CYP7B1: variants seen among roughly 807,000 people sequenced by gnomAD.
The protein encoded by CYP7B1 is cytochrome P450 family 7 subfamily B member 1, also known as cytochrome P450 7B1.
Under a neutral mutation model 42.7 loss-of-function variants are expected in CYP7B1, and 29 were observed. The ratio of observed to expected loss-of-function variants is 0.68; its 90% CI spans 0.51 to 0.93. The LOEUF (loss-of-function observed/expected upper bound fraction) is 0.93. Ranked by LOEUF, CYP7B1 falls within the 40% of genes least tolerant of loss-of-function variation. CYP7B1 has a pLI of 0.00. For missense variants in CYP7B1, 655 were observed against 600.5 expected, an observed-to-expected ratio of 1.09 and a Z score of -0.95; for synonymous variants, 235 against 218.2, an observed-to-expected ratio of 1.08 and a Z score of -0.68.
chr8:64,721,778 TTA>T (rs1455543920), intron 1 of CYP7B1, among the ~76,000 whole-genome samples: 1 of 152,132 alleles, frequency 6.6e-6, no homozygotes, highest in Non-Finnish European at 1.5e-5. Flanking sequence ...CACTATATCT[TTA>T]TGATAGATAG....
intron 1 of CYP7B1, among the ~76,000 whole-genome samples, chr8:64,715,447 C>T (rs768579773): frequency 1.3e-5 from 2 of 152,172 alleles, no homozygotes; most frequent in African/African-American, 2.4e-5. Flanking sequence ...CTTGGCTCCT[C>T]ATTTCCTCAC....
chr8:64,624,033 A>G (rs1019621787), intron 2 of CYP7B1, among the ~76,000 whole-genome samples: 1 of 152,146 alleles, frequency 6.6e-6, no homozygotes, highest in African/African-American at 2.4e-5. Flanking sequence ...TGAACTACTA[A>G]ATTTTCTGTA....
At chr8:64,757,154 G>A (rs964439859) in intron 1 of CYP7B1, among the ~76,000 whole-genome samples, 4 of 152,180 alleles carry the variant, frequency 2.6e-5, no homozygotes, top group African/African-American at 4.8e-5. Context: ...GAAAGAATAT[G>A]GGCTTAGGAA....
downstream of CYP7B1, among the ~76,000 whole-genome samples, chr8:64,590,279 C>G (rs936182228): frequency 2.6e-5 from 4 of 152,198 alleles, no homozygotes; most frequent in African/African-American, 9.7e-5. Flanking sequence ...ACACCAGTGT[C>G]TCTGAGAAAA....
intron 4 of CYP7B1, among the ~76,000 whole-genome samples, chr8:64,610,501 CT>C (rs1805348072): frequency 6.6e-6 from 1 of 152,082 alleles, no homozygotes; most frequent in African/African-American, 2.4e-5. Context: ...TTTGAACGAG[CT>C]TTTTCAAAAT....
chr8:64,792,119 A>T (rs1306453844), intron 1 of CYP7B1, among the ~76,000 whole-genome samples: 1 of 152,208 alleles, frequency 6.6e-6, no homozygotes, highest in Non-Finnish European at 1.5e-5. Flanking sequence ...AAGTTGCAGA[A>T]CTCATAGCTC....
intron 1 of CYP7B1, among the ~76,000 whole-genome samples, chr8:64,728,546 G>A (rs996604762): frequency 6.6e-6 from 1 of 152,104 alleles, no homozygotes; most frequent in Non-Finnish European, 1.5e-5. Flanking sequence ...TCTCCTTCCG[G>A]ATGTATTCAA....
chr8:64,624,634 C>T, intron 1 of CYP7B1, 95 bp from the exon 2 acceptor site: 1 of 1,405,742 alleles, frequency 7.1e-7, no homozygotes, highest in Non-Finnish European at 9.9e-7. Context: ...TAGAAGGTGA[C>T]TGCATGGATT....
At chr8:64,774,907 A>G (rs1352017666) in intron 1 of CYP7B1, among the ~76,000 whole-genome samples, 2 of 152,028 alleles carry the variant, frequency 1.3e-5, no homozygotes, top group Non-Finnish European at 2.9e-5. Flanking sequence ...GTATTCAAAC[A>G]CCTCCTTAAC....
intron 1 of CYP7B1, among the ~76,000 whole-genome samples, chr8:64,655,053 A>C (rs2129631282): frequency 2.0e-5 from 3 of 152,326 alleles, no homozygotes; most frequent in Middle Eastern, 6.8e-3. Flanking sequence ...TGTAAAACCC[A>C]AAACTATAAA....
At position 64,772,216 on chromosome 8, in the gene CYP7B1, T is replaced by C. The variant is rs138625610; in HGVS notation, c.122+26250A>G. 3.5e-4 allele frequency among the ~76,000 whole-genome samples: 54 copies of C among 152,328 alleles called. 1 individual carries two copies. Among genetic ancestry groups the C allele is most frequent in the African/African-American group, 1.2e-3 (50 of 41,586 alleles). ...CTGCCTAAACCCAACCCTCCTCTCA[T>C]ATGCAAGATCCCATCTCTGATGGCT... is the stretch of plus-strand genomic sequence containing the variant. On this transcript the variant is annotated intron_variant, in intron 1 of 5. Transcript: ENST00000310193.
chr8:64,741,341 G>T (rs1183837722), intron 1 of CYP7B1, among the ~76,000 whole-genome samples: 2 of 151,014 alleles, frequency 1.3e-5, no homozygotes, highest in Admixed American at 1.3e-4. Context: ...TTTTTTTTGA[G>T]ACAGTTTTGC....
chr8:64,757,623 C>T (rs1447308382), intron 1 of CYP7B1, among the ~76,000 whole-genome samples: 1 of 152,202 alleles, frequency 6.6e-6, no homozygotes, highest in Non-Finnish European at 1.5e-5. Context: ...CTTACATCAG[C>T]CACCATTGCA....
intron 4 of CYP7B1, among the ~76,000 whole-genome samples, chr8:64,607,178 T>C (rs1289107341): frequency 2.0e-5 from 3 of 152,168 alleles, no homozygotes; most frequent in African/African-American, 4.8e-5. Context: ...ACCCTCATTT[T>C]TTCCCCCTTC....
chr8:64,695,384 C>T (rs1258293571), intron 1 of CYP7B1, among the ~76,000 whole-genome samples: 2 of 152,018 alleles, frequency 1.3e-5, no homozygotes, highest in East Asian at 1.9e-4. Flanking sequence ...CTACATTGGG[C>T]GGCGGGCTGA....
chr8:64,642,555 C>A (rs1296966449), intron 1 of CYP7B1, among the ~76,000 whole-genome samples: 1 of 152,122 alleles, frequency 6.6e-6, no homozygotes, highest in African/African-American at 2.4e-5. Context: ...AGGTTCCTCA[C>A]TAGAGGAAGA....
intron 1 of CYP7B1, among the ~76,000 whole-genome samples, chr8:64,626,812 T>C (rs946860307): frequency 1.3e-5 from 2 of 152,222 alleles, no homozygotes; most frequent in Admixed American, 6.5e-5. Flanking sequence ...AGCCCATCTG[T>C]GAAGACGACT....
intron 1 of CYP7B1, among the ~76,000 whole-genome samples, chr8:64,731,777 T>A (rs945768801): frequency 3.3e-5 from 5 of 152,228 alleles, no homozygotes; most frequent in Admixed American, 1.3e-4. Flanking sequence ...CATGGTGTCC[T>A]TGTGACATGG....
At chr8:64,663,640 G>T (rs1308910950) in intron 1 of CYP7B1, among the ~76,000 whole-genome samples, 3 of 152,180 alleles carry the variant, frequency 2.0e-5, no homozygotes, top group Admixed American at 2.0e-4. Flanking sequence ...CCAACAGAGT[G>T]ATACTTCAAA....
Sources: gnomAD v4.1 joint callset for allele counts (sites outside exome capture counted in the v4.1 genomes callset) on GRCh38, gnomAD v4.1.1 for gene constraint, MANE v1.5 for transcripts, NCBI Gene and HGNC (gene_info 2026-07-23, HGNC 2026-07-21) for gene names.